Variants in CCPG1 observed in about 807,000 individuals in gnomAD.
CCPG1 encodes the protein cell cycle progression 1.
A neutral mutation model predicts 81.3 loss-of-function variants in CCPG1; 46 were observed. That is an observed-to-expected ratio of 0.57 (90% CI 0.45 to 0.72). The LOEUF (loss-of-function observed/expected upper bound fraction) is 0.72, where lower values mean the gene tolerates loss of function less well. Ranked by LOEUF, CCPG1 falls within the 30% of genes least tolerant of loss-of-function variation. The pLI, the probability that CCPG1 is intolerant of heterozygous loss-of-function variation, is 0.00. For missense variants in CCPG1, 902 were observed against 937.6 expected (o/e 0.96, Z 0.50); for synonymous variants, 330 against 305.2 (o/e 1.08, Z -0.85).
rs376261837 is a variant in CCPG1, at chr15:55,360,378, A to G, written c.1395T>C (p.Asp465=). 6.8e-5 allele frequency: 109 copies of G among 1,613,064 alleles called. No individual in the cohort carries two copies. The highest frequency in any genetic ancestry group is 8.7e-5 in the Non-Finnish European group (103 of 1,179,866). ...AKDQNGKQGT[D]GKKKGGRGSH... Reference sequence around the variant, plus strand: ...TTCCTCTGCCCCCTTTCTTTTTTCCATCTGTTCCTTGTTTTCCATTTTGAT... The same window carrying G: ...TTCCTCTGCCCCCTTTCTTTTTTCCGTCTGTTCCTTGTTTTCCATTTTGAT... Residue 465 remains aspartate (D), a synonymous_variant, in exon 8 of 9, where the codon GAT becomes GAC. Transcript: ENST00000442196.
intron 5 of CCPG1, 156 bp from the exon 6 acceptor site, chr15:55,372,200 T>C (rs1445853076): frequency 1.5e-6 from 1 of 647,414 alleles, no homozygotes; most frequent in African/African-American, 1.8e-5. Flanking sequence ...ACACGGGTTT[T>C]CAACTCATCA....
In CCPG1 at chr15:55,356,182, T is replaced by A; in HGVS notation, c.*38A>T. ...ACCAAACATTATACAAAGCATAAATTTTTCTCTTACAGTTGTCTAATTTAA... is the reference window on the plus strand; with the variant it reads ...ACCAAACATTATACAAAGCATAAATATTTCTCTTACAGTTGTCTAATTTAA... On this transcript the variant is annotated 3_prime_UTR_variant, in exon 9 of 9. Coordinates refer to ENST00000442196, the MANE Select transcript of CCPG1 (RefSeq NM_001204450.2). 1 of 1,444,236 alleles carries A rather than the reference T, an allele frequency of 6.9e-7. No homozygotes were observed. Among genetic ancestry groups the A allele is most frequent in the Non-Finnish European group, 9.2e-7 (1 of 1,084,348 alleles). 89.5% of individuals were successfully genotyped at this position (1,444,236 alleles called of 1,614,324 possible). A position where few individuals can be genotyped will look rare whatever the true frequency, so the allele number is the denominator to read the frequency against.
chr15:55,404,433 A>G (rs991741589), intron 1 of CCPG1, among the ~76,000 whole-genome samples: 1 of 152,232 alleles, frequency 6.6e-6, no homozygotes, highest in Non-Finnish European at 1.5e-5. Flanking sequence ...GATTGATTAT[A>G]CTACTTACCA....
chr15:55,405,038 A>C (rs757163584), intron 1 of CCPG1, among the ~76,000 whole-genome samples: 16 of 152,068 alleles, frequency 1.1e-4, no homozygotes, highest in Non-Finnish European at 2.4e-4. Flanking sequence ...CAGCCCGGCT[A>C]ACATGGCAAA....
chr15:55,375,350 T>G (rs1393417982), intron 5 of CCPG1, among the ~76,000 whole-genome samples: 1 of 152,172 alleles, frequency 6.6e-6, no homozygotes, highest in Non-Finnish European at 1.5e-5. Context: ...AATTTGACTT[T>G]TCTGGGCCAT....
Position 55,356,129 on chromosome 15 carries a change from T to G in CCPG1, c.*91A>C, listed in dbSNP as rs1595814553. On this transcript the variant is annotated 3_prime_UTR_variant, in exon 9 of 9. Coordinates refer to ENST00000442196, the MANE Select transcript of CCPG1 (RefSeq NM_001204450.2). ...CTTAGAAACAAAAGAAAAGACATTG[T>G]CATCTTGGTAATTTCATTAGTTTCA... is the stretch of plus-strand genomic sequence containing the variant. The G allele has an allele frequency of 1.1e-5, 10 of 924,476 alleles. No individual in the cohort carries two copies. The East Asian group carries it at 2.8e-4, about 26-fold the overall frequency. 57.3% of individuals were successfully genotyped at this position (924,476 alleles called of 1,614,324 possible). A position where few individuals can be genotyped will look rare whatever the true frequency, so the allele number is the denominator to read the frequency against.
chr15:55,387,364 G>A (rs2056821194), intron 2 of CCPG1, among the ~76,000 whole-genome samples: 1 of 152,168 alleles, frequency 6.6e-6, no homozygotes, highest in East Asian at 1.9e-4. Context: ...AAGAAAACAA[G>A]CTAAAAATAG....
chr15:55,359,699 G>C lies in CCPG1; in HGVS notation c.2074C>G (p.His692Asp), dbSNP rs370735448. 7.4e-6 allele frequency: 12 copies of C among 1,613,438 alleles called. No individual in the cohort carries two copies. Among genetic ancestry groups the C allele is most frequent in the African/African-American group, 6.7e-5 (5 of 74,890 alleles). The change falls in exon 8 of 9, where the codon CAT becomes GAT. Residue 692 changes from histidine to aspartate, a missense_variant. By Grantham distance (81) the His-to-Asp change is moderately conservative. Coordinates refer to ENST00000442196, the MANE Select transcript of CCPG1 (RefSeq NM_001204450.2). The part of the protein sequence containing the change: ...NKFFLNGVFI[H>D]DQKLFTDFVN... ...AAGTCAGTGAAGAGCTTCTGATCAT[G>C]TATAAAGACACCGTTTAGGAAAAAC...
chr15:55,356,830 AC>A, intron 8 of CCPG1: 1 of 989,606 alleles, frequency 1.0e-6, no homozygotes, highest in Non-Finnish European at 1.2e-6. Flanking sequence ...AGCTCACAAC[AC>A]CTACACCGCT....
At position 55,360,940 on chromosome 15, in the gene CCPG1, A is replaced by G. The variant is rs201264073; in HGVS notation, c.833T>C (p.Leu278Ser). 6 of 1,528,632 alleles carry G rather than the reference A, an allele frequency of 3.9e-6. No individual in the cohort carries two copies. The East Asian group carries it at 6.8e-5, about 17-fold the overall frequency. The allele number at this position is 1,528,632 out of a possible 1,614,324, so 94.7% of individuals were successfully genotyped here. ...EQESFIDYKS[L>S]KENLARCWTL... ...CCAACACCTTGCAAGATTTTCTTTC[A>G]ATGACTACATTTTTTTTTGAAAGAG... is the stretch of plus-strand genomic sequence containing the variant. The change falls in exon 8 of 9, where the codon TTG becomes TCG. Residue 278 changes from leucine (L) to serine (S), a missense_variant. Transcript: ENST00000442196.
intron 3 of CCPG1, among the ~76,000 whole-genome samples, chr15:55,380,553 C>T (rs2056666046): frequency 6.6e-6 from 1 of 151,708 alleles, no homozygotes; most frequent in African/African-American, 2.4e-5. Flanking sequence ...CCTCGGCCAC[C>T]CAAAGTGCTG....
chr15:55,407,614 G>A (rs953769505), intron 1 of CCPG1, among the ~76,000 whole-genome samples: 2 of 152,182 alleles, frequency 1.3e-5, no homozygotes, highest in Admixed American at 1.3e-4. Context: ...GCACTGCATG[G>A]GACAGCTGCT....
Position 55,371,889 on chromosome 15 carries a change from T to G in CCPG1, c.610A>C (p.Lys204Gln). 1.2e-6 allele frequency: 2 copies of G among 1,614,172 alleles called. No homozygotes were observed. Among genetic ancestry groups the G allele is most frequent in the Non-Finnish European group, 1.7e-6 (2 of 1,179,996 alleles). Residue 204 changes from lysine to glutamine, a missense_variant, in exon 6 of 9, where the codon AAG (lysine) becomes CAG (glutamine). This residue lies in a region of CCPG1 where 746 missense variants were observed against 728.6 expected (regional missense o/e 1.02). Coordinates refer to ENST00000442196, the MANE Select transcript of CCPG1 (RefSeq NM_001204450.2). ...CTGAACTGACGTTTACTCAACTCCT[T>G]AGAAGGTTCAGTTTCTTGTTCAGCA... ...LVAEQETEPS[K>Q]ELSKRQFSSG...
intron 7 of CCPG1, among the ~76,000 whole-genome samples, chr15:55,364,033 G>A (rs1443502928): frequency 6.7e-6 from 1 of 149,672 alleles, no homozygotes; most frequent in Non-Finnish European, 1.5e-5. Context: ...TGAACTCCTG[G>A]GCTCAAGCAA....
intron 4 of CCPG1, among the ~76,000 whole-genome samples, chr15:55,377,568 T>A (rs540658762): frequency 0.011 from 1,627 of 152,342 alleles, 15 homozygotes; most frequent in Non-Finnish European, 0.017. Flanking sequence ...GTACTGAATG[T>A]ATCTGAAGGT....
At chr15:55,367,053 AC>A (rs981645056) in intron 6 of CCPG1, among the ~76,000 whole-genome samples, 2 of 152,168 alleles carry the variant, frequency 1.3e-5, no homozygotes, top group Admixed American at 1.3e-4. Context: ...AACACCAAAA[AC>A]AACTTTTGCC....
chr15:55,397,167 T>C (rs2057034724), intron 1 of CCPG1, among the ~76,000 whole-genome samples: 1 of 151,002 alleles, frequency 6.6e-6, no homozygotes, highest in Admixed American at 6.6e-5. Flanking sequence ...TGAGCCGAGA[T>C]GGCGCCACTG....
At position 55,360,709 on chromosome 15, in the gene CCPG1, T is replaced by G; in HGVS notation, c.1064A>C (p.Lys355Thr). Residue 355 changes from lysine to threonine, a missense_variant, in exon 8 of 9, where the codon AAG becomes ACG. Physicochemically the swap from Lys to Thr is moderately conservative, Grantham distance 78 (BLOSUM62 -1). Coordinates refer to ENST00000442196, the MANE Select transcript of CCPG1 (RefSeq NM_001204450.2). Reference sequence around the variant, plus strand: ...CTGCTTTTCCTCTTCCAAATGCTGCTTAAGTTTCTGATTTTCTTTAACTAA... The same window carrying G: ...CTGCTTTTCCTCTTCCAAATGCTGCGTAAGTTTCTGATTTTCTTTAACTAA... Reference protein sequence around the residue: ...TELVKENQKLKQHLEEEKQKK... With the variant: ...TELVKENQKLTQHLEEEKQKK... 1.9e-6 allele frequency: 3 copies of G among 1,612,372 alleles called. No homozygotes were observed. Among genetic ancestry groups the G allele is most frequent in the Non-Finnish European group, 2.5e-6 (3 of 1,179,634 alleles).
intron 1 of CCPG1, among the ~76,000 whole-genome samples, chr15:55,399,417 CAAAAAAA>C (rs56191750): frequency 4.8e-5 from 3 of 63,144 alleles, no homozygotes; most frequent in East Asian, 6.4e-4. Flanking sequence ...ACTAAAAATA[CAAAAAAA>C]AAAAAAAAAA....
Sources: gnomAD v4.1 joint callset for allele counts (sites outside exome capture counted in the v4.1 genomes callset) on GRCh38, gnomAD v4.1.1 for gene constraint, gnomAD v4.1.1 regional missense constraint, MANE v1.5 for transcripts, NCBI Gene and HGNC (gene_info 2026-07-23, HGNC 2026-07-21) for gene names.